SDK1: variants seen among roughly 807,000 people sequenced by gnomAD.
SDK1 encodes the protein sidekick cell adhesion molecule 1, also known as protein sidekick-1.
Under a neutral mutation model 245.5 loss-of-function variants are expected in SDK1, and 157 were observed. The observed-to-expected ratio is 0.64, with a 90% CI of 0.56 to 0.73. The LOEUF (loss-of-function observed/expected upper bound fraction) is 0.73, where lower values mean the gene tolerates loss of function less well. Ranked by LOEUF, SDK1 falls within the 30% of genes least tolerant of loss-of-function variation. The probability of loss-of-function intolerance (pLI) is 0.00; values close to 1 mark genes in which losing one functional copy is unlikely to be tolerated. For synonymous variants in SDK1, 1,647 were observed against 1,278.5 expected, an observed-to-expected ratio of 1.29 and a Z score of -6.15; for missense variants, 3,583 against 3,002.3, an observed-to-expected ratio of 1.19 and a Z score of -4.52.
At chr7:3,922,647 C>A (rs1779634205) in intron 5 of SDK1, among the ~76,000 whole-genome samples, 1 of 152,144 alleles carries the variant, frequency 6.6e-6, no homozygotes, top group African/African-American at 2.4e-5. Flanking sequence ...CATTTCTTTT[C>A]TTTAGATTGA....
intron 1 of SDK1, among the ~76,000 whole-genome samples, chr7:3,310,726 G>A (rs1188357005): frequency 6.6e-6 from 1 of 152,178 alleles, no homozygotes; most frequent in Non-Finnish European, 1.5e-5. Flanking sequence ...AGGAGGGTCT[G>A]GGCTTTTGGT....
intron 1 of SDK1, among the ~76,000 whole-genome samples, chr7:3,600,269 T>A (rs748077816): frequency 6.6e-6 from 1 of 152,236 alleles, no homozygotes; most frequent in Non-Finnish European, 1.5e-5. Context: ...TGATCTTGTA[T>A]CATGTGACCT....
intron 19 of SDK1, among the ~76,000 whole-genome samples, chr7:4,067,460 C>CT (rs946004908): frequency 6.6e-6 from 1 of 152,182 alleles, no homozygotes; most frequent in African/African-American, 2.4e-5. Context: ...GGCCCCCACA[C>CT]AAGCCAGACA....
intron 4 of SDK1, among the ~76,000 whole-genome samples, chr7:3,795,061 G>T (rs961549066): frequency 1.3e-5 from 2 of 152,200 alleles, no homozygotes; most frequent in African/African-American, 4.8e-5. Flanking sequence ...AGTCCTGCAA[G>T]GCATCGTTCT....
chr7:3,574,496 A>G (rs950234460), intron 1 of SDK1, among the ~76,000 whole-genome samples: 1 of 152,004 alleles, frequency 6.6e-6, no homozygotes, highest in Non-Finnish European at 1.5e-5. Flanking sequence ...GTTTAAGGTA[A>G]CCAACGGGGC....
At chr7:3,509,328 G>A (rs962802713) in intron 1 of SDK1, among the ~76,000 whole-genome samples, 68 of 152,172 alleles carry the variant, frequency 4.5e-4, no homozygotes, top group African/African-American at 1.6e-3. Flanking sequence ...TCCTGGAGCC[G>A]GAGCTGCTTG....
intron 4 of SDK1, among the ~76,000 whole-genome samples, chr7:3,657,372 G>A (rs887880344): frequency 6.6e-6 from 1 of 152,160 alleles, no homozygotes; most frequent in African/African-American, 2.4e-5. Flanking sequence ...GGAAAGGGAG[G>A]TAGCATTCCC....
intron 5 of SDK1, among the ~76,000 whole-genome samples, chr7:3,841,572 T>TC (rs1562483210): frequency 6.7e-6 from 1 of 148,910 alleles, no homozygotes; most frequent in Non-Finnish European, 1.5e-5. Flanking sequence ...TTTCTCTTTT[T>TC]CTTTTTTTTT....
At chr7:3,664,046 A>C (rs1309133188) in intron 4 of SDK1, among the ~76,000 whole-genome samples, 1 of 148,944 alleles carries the variant, frequency 6.7e-6, no homozygotes, top group Non-Finnish European at 1.5e-5. Flanking sequence ...ACTCTAGTTT[A>C]TTTTCCCTTT....
chr7:3,760,490 C>G (rs931369314), intron 4 of SDK1, among the ~76,000 whole-genome samples: 27 of 152,150 alleles, frequency 1.8e-4, no homozygotes, highest in African/African-American at 6.5e-4. Flanking sequence ...CACAAAGTGA[C>G]CTATGAAGTG....
chr7:4,096,413 G>T (rs1043624560), intron 22 of SDK1, among the ~76,000 whole-genome samples: 1 of 152,156 alleles, frequency 6.6e-6, no homozygotes, highest in Non-Finnish European at 1.5e-5. Context: ...GTTGTTAGGG[G>T]TGTGGGGGAT....
At chr7:3,743,289 C>G (rs1194413658) in intron 4 of SDK1, among the ~76,000 whole-genome samples, 9 of 152,158 alleles carry the variant, frequency 5.9e-5, no homozygotes, top group Non-Finnish European at 7.3e-5. Context: ...GAAGAAGTTT[C>G]TTGGCTTTCT....
chr7:3,939,359 T>C (rs569061962), intron 5 of SDK1, among the ~76,000 whole-genome samples: 3 of 152,258 alleles, frequency 2.0e-5, no homozygotes, highest in Admixed American at 6.5e-5. Context: ...AAATATACAC[T>C]CAGAAATGTA....
intron 4 of SDK1, among the ~76,000 whole-genome samples, chr7:3,756,134 T>A (rs1416900546): frequency 3.3e-5 from 5 of 151,486 alleles, no homozygotes; most frequent in Admixed American, 3.3e-4. Context: ...CTGACTCCTT[T>A]CACATGGCAT....
intron 43 of SDK1, 46 bp from the exon 44 acceptor site, chr7:4,245,630 G>A (rs765497937): frequency 1.3e-6 from 2 of 1,599,852 alleles, no homozygotes; most frequent in South Asian, 1.1e-5. Context: ...CCGGGGAAGG[G>A]CGTCTTTTGC....
intron 4 of SDK1, among the ~76,000 whole-genome samples, chr7:3,707,284 T>C (rs1784918058): frequency 6.6e-6 from 1 of 152,256 alleles, no homozygotes; most frequent in Non-Finnish European, 1.5e-5. Context: ...ATTTTTAAAT[T>C]TCCATCTTGA....
At chr7:3,996,104 A>G (rs1784678241) in intron 14 of SDK1, among the ~76,000 whole-genome samples, 1 of 152,128 alleles carries the variant, frequency 6.6e-6, no homozygotes, top group African/African-American at 2.4e-5. Flanking sequence ...ACTCTGGCAC[A>G]CTACTTTTCC....
chr7:3,586,369 T>G (rs1443403475), intron 1 of SDK1, among the ~76,000 whole-genome samples: 1 of 151,480 alleles, frequency 6.6e-6, no homozygotes, highest in African/African-American at 2.4e-5. Flanking sequence ...TCACAGCAAA[T>G]TGAGGAGGGC....
chr7:3,718,433 C>T (rs957723853), intron 4 of SDK1, among the ~76,000 whole-genome samples: 12 of 151,480 alleles, frequency 7.9e-5, no homozygotes, highest in Admixed American at 5.3e-4. Flanking sequence ...GCTTGAGCCC[C>T]GGAGGTTGAG....
Sources: allele counts gnomAD v4.1 joint callset (sites outside exome capture counted in the v4.1 genomes callset), GRCh38; gene constraint gnomAD v4.1.1; transcripts MANE v1.5; gene names NCBI Gene and HGNC (gene_info 2026-07-23, HGNC 2026-07-21).